ANKRD28: variants seen among roughly 807,000 people sequenced by gnomAD.
ANKRD28 encodes the protein ankyrin repeat domain 28.
ANKRD28 carries 44 observed loss-of-function variants against 126.5 expected under a neutral mutation model. That is an observed-to-expected ratio of 0.35 (90% confidence interval 0.27 to 0.45). ANKRD28 has a LOEUF of 0.45. Ranked by LOEUF, ANKRD28 falls within the 20% of genes least tolerant of loss-of-function variation. The pLI is 1.00. For missense variants in ANKRD28, 1,110 were observed against 1,316.6 expected (o/e 0.84, Z 2.43); for synonymous variants, 442 against 468.5 (o/e 0.94, Z 0.73).
exon 1 of ANKRD28, chr3:15,859,592 G>C: frequency 5.0e-6 from 1 of 199,040 alleles, no homozygotes; most frequent in South Asian, 1.5e-4. Context: ...CGCCGCCGCC[G>C]CCGCCGCCGC....
At chr3:15,821,239 T>C (rs1296355970) in intron 1 of ANKRD28, among the ~76,000 whole-genome samples, 6 of 152,186 alleles carry the variant, frequency 3.9e-5, no homozygotes, top group African/African-American at 1.2e-4. Flanking sequence ...GTGAGCTTAC[T>C]ACAAAAAGCA....
At chr3:15,677,190 T>C (rs2067028993) in intron 25 of ANKRD28, 134 bp from the exon 26 acceptor site, 1 of 725,836 alleles carries the variant, frequency 1.4e-6, no homozygotes, top group Non-Finnish European at 2.3e-6. Flanking sequence ...CTGGCTAATA[T>C]CTTAATATTT....
In ANKRD28 at chr3:15,731,520, G is replaced by A. The variant is rs73819146; in HGVS notation, c.640+3890C>T. 5.4e-3 allele frequency among the ~76,000 whole-genome samples: 828 copies of A among 152,274 alleles called. 7 individuals are homozygous for A. Among genetic ancestry groups the A allele is most frequent in the African/African-American group, 0.019 (804 of 41,542 alleles). ...GACCTTAAGATGCAATACGGAACTTGCTTCTGGCTATTACCTTCAATTAAC... is the reference window on the plus strand; with the variant it reads ...GACCTTAAGATGCAATACGGAACTTACTTCTGGCTATTACCTTCAATTAAC... On this transcript the variant is annotated intron_variant, in intron 6 of 27. Coordinates refer to ENST00000683139, the MANE Select transcript of ANKRD28 (RefSeq NM_001349278.2).
In ANKRD28 at chr3:15,685,242, G is replaced by A; in HGVS notation, c.2373C>T (p.His791=). ...ATACTTAACCATTGTAGCAAGCCCA[G>A]TGAAGTGCCGTATATCCATGATTGT... The part of the protein sequence containing the change: ...TADNHGYTAL[H]WACYNGHETC... Residue 791 remains histidine, a synonymous_variant, in exon 21 of 28, where the codon CAC becomes CAT. Coordinates refer to ENST00000683139, the MANE Select transcript of ANKRD28 (RefSeq NM_001349278.2). 6.2e-7 allele frequency: 1 copy of A among 1,613,956 alleles called. No individual in the cohort carries two copies. The highest frequency in any genetic ancestry group is 1.3e-5 in the African/African-American group (1 of 75,040).
chr3:15,729,877 G>T (rs1475298773), intron 6 of ANKRD28, among the ~76,000 whole-genome samples: 4 of 152,110 alleles, frequency 2.6e-5, no homozygotes, highest in Non-Finnish European at 4.4e-5. Flanking sequence ...AGGTGTTAAG[G>T]TAATTTTTAA....
At chr3:15,760,786 CTT>C (rs945108718) in intron 3 of ANKRD28, among the ~76,000 whole-genome samples, 13 of 152,132 alleles carry the variant, frequency 8.5e-5, no homozygotes, top group African/African-American at 3.1e-4. Context: ...ATAAACATGA[CTT>C]AAAATGGTCA....
intron 8 of ANKRD28, among the ~76,000 whole-genome samples, chr3:15,718,479 C>T (rs1230011389): frequency 6.6e-6 from 1 of 152,138 alleles, no homozygotes; most frequent in African/African-American, 2.4e-5. Context: ...CTAAGTGGGC[C>T]TCTTAGAGGA....
chr3:15,715,423 T>C (rs1311067732), intron 8 of ANKRD28, among the ~76,000 whole-genome samples: 3 of 152,228 alleles, frequency 2.0e-5, no homozygotes, highest in African/African-American at 7.2e-5. Context: ...CAGATATTCT[T>C]TAAAAATCCT....
chr3:15,767,404 T>C (rs2058789898), intron 2 of ANKRD28, among the ~76,000 whole-genome samples: 1 of 152,184 alleles, frequency 6.6e-6, no homozygotes, highest in Admixed American at 6.5e-5. Context: ...TTCCACTATG[T>C]TCTTCCTTTT....
chr3:15,789,444 AAAAG>A (rs1280272704), intron 2 of ANKRD28, among the ~76,000 whole-genome samples: 3 of 146,508 alleles, frequency 2.0e-5, no homozygotes, highest in African/African-American at 5.5e-5. Flanking sequence ...TTTTAAAAAA[AAAAG>A]AAAAGAAAAG....
chr3:15,823,888 A>T (rs1046876560), intron 1 of ANKRD28, among the ~76,000 whole-genome samples: 3 of 152,236 alleles, frequency 2.0e-5, no homozygotes, highest in African/African-American at 7.2e-5. Flanking sequence ...AACACTCAAC[A>T]TCATAGAAGG....
chr3:15,696,109 T>C (rs1251270648), intron 15 of ANKRD28, 25 bp downstream of exon 15: 2 of 1,467,618 alleles, frequency 1.4e-6, no homozygotes, highest in Admixed American at 2.0e-5. Flanking sequence ...CCATTAGGTC[T>C]TTCACAAGAA....
At chr3:15,841,164 C>T (rs538419016) in intron 1 of ANKRD28, among the ~76,000 whole-genome samples, 1 of 152,118 alleles carries the variant, frequency 6.6e-6, no homozygotes, top group East Asian at 1.9e-4. Context: ...GAATGAAGAC[C>T]CCTACCTCTT....
At chr3:15,681,722 CTCTAA>C (rs1365562121) in intron 21 of ANKRD28, among the ~76,000 whole-genome samples, 1 of 152,102 alleles carries the variant, frequency 6.6e-6, no homozygotes, top group Admixed American at 6.5e-5. Context: ...CAGTTCTTTT[CTCTAA>C]TCTAGTAGTT....
rs191502628 is a variant in ANKRD28 at position 15,829,787 on chromosome 3, T to C, written c.27+29590A>G. ...ATTTTGCTTGGAAGCTCAAATTTCA[T>C]CATCTGTAACAAATATTGACAGTGG... On this transcript the variant is annotated intron_variant, in intron 1 of 27. Coordinates refer to the ANKRD28 transcript ENST00000399451. 1.4e-4 allele frequency among the ~76,000 whole-genome samples: 22 copies of C among 152,330 alleles called. No individual in the cohort carries two copies. The East Asian group carries it at 4.2e-3, about 29-fold the overall frequency.
chr3:15,855,210 TCAAA>T (rs1032200558), intron 1 of ANKRD28, among the ~76,000 whole-genome samples: 4 of 152,186 alleles, frequency 2.6e-5, no homozygotes, highest in African/African-American at 4.8e-5. Flanking sequence ...TTTTTTCCCC[TCAAA>T]CAATGTTCCA....
intron 2 of ANKRD28, among the ~76,000 whole-genome samples, chr3:15,767,100 G>A (rs549014098): frequency 6.6e-6 from 1 of 152,198 alleles, no homozygotes; most frequent in East Asian, 1.9e-4. Flanking sequence ...ATTCATGTCT[G>A]TTTCAATATA....
rs1271031460 is a variant in ANKRD28, at chr3:15,669,490, C to T, written c.*780G>A. On this transcript the variant is annotated 3_prime_UTR_variant, in exon 28 of 28. Transcript: ENST00000683139. ...TTCAAAACAGGGCAACAGCCTGACCCCAATCCATCTCAATGTCTATGTCAC... is the reference window on the plus strand; with the variant it reads ...TTCAAAACAGGGCAACAGCCTGACCTCAATCCATCTCAATGTCTATGTCAC... 2 of 152,114 alleles carry T rather than the reference C, an allele frequency of 1.3e-5. No individual in the cohort carries two copies. Among genetic ancestry groups the T allele is most frequent in the East Asian group, 1.9e-4 (1 of 5,196 alleles). 9.4% of individuals were successfully genotyped at this position (152,114 alleles called of 1,614,324 possible).
chr3:15,710,470 A>C (rs911821407), intron 12 of ANKRD28, among the ~76,000 whole-genome samples: 1 of 152,182 alleles, frequency 6.6e-6, no homozygotes, highest in Non-Finnish European at 1.5e-5. Flanking sequence ...AAAACCAGTC[A>C]CATGCTCACA....
Sources: gnomAD v4.1 joint callset for allele counts (sites outside exome capture counted in the v4.1 genomes callset) on GRCh38, gnomAD v4.1.1 for gene constraint, MANE v1.5 for transcripts, NCBI Gene and HGNC (gene_info 2026-07-23, HGNC 2026-07-21) for gene names.